ZNF831: variants seen among roughly 807,000 people sequenced by gnomAD.
ZNF831 encodes zinc finger protein 831.
ZNF831 carries 59 observed loss-of-function variants against 95.8 expected under a neutral mutation model. The observed-to-expected ratio is 0.62, with a 90% CI of 0.50 to 0.77. The LOEUF (loss-of-function observed/expected upper bound fraction) is 0.77, where lower values mean the gene tolerates loss of function less well. Ranked by LOEUF, ZNF831 falls within the 30% of genes least tolerant of loss-of-function variation. The pLI is 0.00. For synonymous variants in ZNF831, 961 were observed against 925.5 expected (o/e 1.04, Z -0.70); for missense variants, 2,205 against 2,164.0 (o/e 1.02, Z -0.38).
intron 1 of ZNF831, among the ~76,000 whole-genome samples, chr20:59,180,664 G>A (rs956247054): frequency 6.6e-6 from 1 of 152,138 alleles, no homozygotes; most frequent in African/African-American, 2.4e-5. Flanking sequence ...TGAGAATGAT[G>A]GCTTCCAGCT....
At chr20:59,143,387 C>T (rs775026936) in intron 1 of ZNF831, among the ~76,000 whole-genome samples, 4 of 152,296 alleles carry the variant, frequency 2.6e-5, no homozygotes, top group African/African-American at 7.2e-5. Context: ...GTGTGAGTCC[C>T]GTTCAGAGTC....
At chr20:59,205,063 C>T (rs573963706) in intron 3 of ZNF831, among the ~76,000 whole-genome samples, 5 of 152,042 alleles carry the variant, frequency 3.3e-5, no homozygotes, top group African/African-American at 4.8e-5. Flanking sequence ...TGTTATTTTG[C>T]GTGAGGAGAA....
intron 3 of ZNF831, among the ~76,000 whole-genome samples, chr20:59,205,018 G>A (rs1442601436): frequency 6.6e-6 from 1 of 152,160 alleles, no homozygotes; most frequent in Non-Finnish European, 1.5e-5. Flanking sequence ...GATGAAGTGC[G>A]AATTCAGAGG....
intron 2 of ZNF831, among the ~76,000 whole-genome samples, chr20:59,156,419 G>A (rs763120665): frequency 1.6e-4 from 25 of 152,220 alleles, no homozygotes; most frequent in Non-Finnish European, 3.5e-4. Flanking sequence ...CCAGCTACTC[G>A]GGAGGCTGAG....
In ZNF831 at chr20:59,217,138, A is replaced by G. The variant is rs1229523608; in HGVS notation, c.4027+10082A>G. ...GGTAAAATGACAGTTTGGAGTCTGG[A>G]GTACATCTGACAGATCTTCATCTCT... On this transcript the variant is annotated intron_variant, in intron 4 of 5. Coordinates refer to ENST00000371030, the MANE Select transcript of ZNF831 (RefSeq NM_178457.3). The surrounding 1 kb of genome is among the most constrained non-coding windows in gnomAD (Gnocchi z 4.4). Among the ~76,000 whole-genome samples the G allele has an allele frequency of 6.6e-6, 1 of 151,248 alleles. No individual in the cohort carries two copies. The highest frequency in any genetic ancestry group is 1.5e-5 in the Non-Finnish European group (1 of 67,990).
intron 1 of ZNF831, among the ~76,000 whole-genome samples, chr20:59,173,399 C>G (rs1981893201): frequency 6.6e-6 from 1 of 152,140 alleles, no homozygotes; most frequent in Non-Finnish European, 1.5e-5. Flanking sequence ...GCTGTGTGAT[C>G]CTCAGATCAT....
rs1483377226 is a variant in ZNF831, at chr20:59,192,152, G to T, written c.1133G>T (p.Gly378Val). The T allele has an allele frequency of 1.3e-6, 2 of 1,557,096 alleles. No homozygotes were observed. The highest frequency in any genetic ancestry group is 1.7e-6 in the Non-Finnish European group (2 of 1,158,358). Residue 378 changes from glycine (G) to valine (V), a missense_variant, in exon 2 of 6, where the codon GGC (glycine) becomes GTC (valine). Transcript: ENST00000371030. The surrounding 1 kb of genome is among the most constrained non-coding windows in gnomAD (Gnocchi z 5.2). ...EHSAESEGEG[G>V]PGPGPGVAGA... ...AGCGCCGAGTCCGAGGGGGAGGGCGGCCCGGGCCCGGGGCCAGGGGTCGCA... is the reference window on the plus strand; with the variant it reads ...AGCGCCGAGTCCGAGGGGGAGGGCGTCCCGGGCCCGGGGCCAGGGGTCGCA...
intron 1 of ZNF831, among the ~76,000 whole-genome samples, chr20:59,181,354 T>C (rs1387821809): frequency 6.6e-6 from 1 of 152,254 alleles, no homozygotes; most frequent in Non-Finnish European, 1.5e-5. Context: ...CTTCTGTTGT[T>C]GTGCAGAAGC....
At chr20:59,232,055 C>T (rs566735155) in intron 4 of ZNF831, among the ~76,000 whole-genome samples, 4 of 152,204 alleles carry the variant, frequency 2.6e-5, no homozygotes, top group Non-Finnish European at 4.4e-5. Flanking sequence ...TGGATAGACC[C>T]GTACACCCTT....
intron 4 of ZNF831, among the ~76,000 whole-genome samples, chr20:59,240,717 G>A (rs1378902975): frequency 6.6e-6 from 1 of 152,136 alleles, no homozygotes; most frequent in Non-Finnish European, 1.5e-5. Context: ...CAGGAGAATG[G>A]CGTGAACCCG....
intron 3 of ZNF831, among the ~76,000 whole-genome samples, chr20:59,197,835 C>T (rs1040459462): frequency 1.3e-5 from 2 of 152,174 alleles, no homozygotes; most frequent in Non-Finnish European, 2.9e-5. Flanking sequence ...GAATGCATGC[C>T]ATCCAGACGG....
chr20:59,193,531 C>T lies in ZNF831; in HGVS notation c.2512C>T (p.Pro838Ser), dbSNP rs1294515944. Reference sequence around the variant, plus strand: ...CCTGCACAGCTGGAAGCAACCAGAGCCTGTGAGCGCAGAGACCCCAGGTGG... The same window carrying T: ...CCTGCACAGCTGGAAGCAACCAGAGTCTGTGAGCGCAGAGACCCCAGGTGG... ...EDLHSWKQPE[P>S]VSAETPGGPT... The change falls in exon 2 of 6, where the codon CCT (proline) becomes TCT (serine). Residue 838 changes from proline to serine, a missense_variant. Transcript: ENST00000371030. 1.9e-6 allele frequency: 3 copies of T among 1,606,230 alleles called. No homozygotes were observed. Among genetic ancestry groups the T allele is most frequent in the African/African-American group, 1.3e-5 (1 of 74,724 alleles).
intron 1 of ZNF831, among the ~76,000 whole-genome samples, chr20:59,189,910 T>A: frequency 6.6e-6 from 1 of 152,226 alleles, no homozygotes; most frequent in Non-Finnish European, 1.5e-5. Flanking sequence ...GGGTGAAATG[T>A]GCTTATGGAG....
chr20:59,127,352 T>C (rs1436226688), intron 1 of ZNF831, among the ~76,000 whole-genome samples: 2 of 152,162 alleles, frequency 1.3e-5, no homozygotes, highest in African/African-American at 4.8e-5. Context: ...AGGTAATCCG[T>C]GGGATCCTGT....
intron 4 of ZNF831, among the ~76,000 whole-genome samples, chr20:59,247,226 G>A (rs980854661): frequency 2.0e-5 from 3 of 152,308 alleles, no homozygotes; most frequent in Middle Eastern, 3.4e-3. Context: ...GCATAGTTTT[G>A]CTCTTTTCCA....
intron 1 of ZNF831, among the ~76,000 whole-genome samples, chr20:59,138,800 C>A (rs1400066864): frequency 6.6e-6 from 1 of 152,180 alleles, no homozygotes; most frequent in African/African-American, 2.4e-5. Flanking sequence ...AAAGCAGAAA[C>A]AAACGTTTAT....
chr20:59,211,120 A>T (rs1985301354), intron 4 of ZNF831, among the ~76,000 whole-genome samples: 1 of 152,206 alleles, frequency 6.6e-6, no homozygotes, highest in Non-Finnish European at 1.5e-5. Flanking sequence ...AGATCTAAGA[A>T]ACAAGTGGCT....
At chr20:59,201,977 C>T (rs1984562959) in intron 3 of ZNF831, among the ~76,000 whole-genome samples, 1 of 152,152 alleles carries the variant, frequency 6.6e-6, no homozygotes, top group East Asian at 1.9e-4. Context: ...AAAATTTCTC[C>T]ATCAATAAGT....
intron 4 of ZNF831, among the ~76,000 whole-genome samples, chr20:59,212,360 G>A (rs893839192): frequency 3.3e-5 from 5 of 152,168 alleles, no homozygotes; most frequent in South Asian, 2.1e-4. Context: ...ATTGTACATC[G>A]ATTGGAGTCT....
Sources: gnomAD v4.1 joint callset for allele counts (sites outside exome capture counted in the v4.1 genomes callset) on GRCh38, gnomAD v4.1.1 for gene constraint, Gnocchi (gnomAD v3.1) non-coding constraint, MANE v1.5 for transcripts, NCBI Gene and HGNC (gene_info 2026-07-23, HGNC 2026-07-21) for gene names.